Variants in ZBTB41 observed in about 807,000 individuals in gnomAD.
ZBTB41 encodes zinc finger and BTB domain-containing protein 41.
In ZBTB41, 42 loss-of-function variants were observed where a neutral mutation model predicts 87.6. That is an observed-to-expected ratio of 0.48 (90% CI 0.37 to 0.62). The LOEUF (loss-of-function observed/expected upper bound fraction) is 0.62. ZBTB41 is among the 20% of genes least tolerant of loss of function. ZBTB41 has a pLI of 0.00. For missense variants in ZBTB41, 799 were observed against 1,078.9 expected, an observed-to-expected ratio of 0.74 and a Z score of 3.63; for synonymous variants, 364 against 364.0, an observed-to-expected ratio of 1.00 and a Z score of 0.00.
chr1:197,162,120 T>G (rs1379640000), intron 10 of ZBTB41, among the ~76,000 whole-genome samples: 4 of 152,188 alleles, frequency 2.6e-5, no homozygotes, highest in Non-Finnish European at 4.4e-5. Flanking sequence ...ATTATCATTT[T>G]AAACAACTTT....
At position 197,158,458 on chromosome 1, in the gene ZBTB41, T is replaced by G. The variant is rs1174874427; in HGVS notation, c.*901A>C. 6.6e-6 allele frequency: 1 copy of G among 152,446 alleles called. No homozygotes were observed. Among genetic ancestry groups the G allele is most frequent in the Non-Finnish European group, 1.5e-5 (1 of 67,906 alleles). 9.4% of individuals were successfully genotyped at this position (152,446 alleles called of 1,614,324 possible). A position where few individuals can be genotyped will look rare whatever the true frequency, so the allele number is the denominator to read the frequency against. On this transcript the variant is annotated 3_prime_UTR_variant, in exon 11 of 11. Coordinates refer to ENST00000367405, the MANE Select transcript of ZBTB41 (RefSeq NM_194314.3). ...CAAGTAAATGAAATCAAAAGTAGCA[T>G]GTTTAATTAAATTTCATTGAGTTAC...
intron 10 of ZBTB41, among the ~76,000 whole-genome samples, chr1:197,167,665 C>T (rs1659382162): frequency 6.6e-6 from 1 of 152,030 alleles, no homozygotes; most frequent in South Asian, 2.1e-4. Flanking sequence ...AATATGATCA[C>T]CTCAATCAAT....
At chr1:197,175,143 T>C (rs779209776) in intron 8 of ZBTB41, 28 bp from the exon 9 acceptor site, 1 of 1,576,366 alleles carries the variant, frequency 6.3e-7, no homozygotes, top group South Asian at 1.1e-5. Context: ...AATATTTTCA[T>C]TATAATATAC....
chr1:197,199,765 T>C lies in ZBTB41; in HGVS notation c.709A>G (p.Lys237Glu), dbSNP rs1356897147. The change falls in exon 2 of 11, where the codon AAA becomes GAA. Residue 237 changes from lysine (K) to glutamate (E), a missense_variant. Coordinates refer to ENST00000367405, the MANE Select transcript of ZBTB41 (RefSeq NM_194314.3). ...TCCAGCATTTTTAACCCATGTTTTT[T>C]CCCTAATAAAAGGGACCTATGGGTT... ...AKTHRSLLLG[K>E]KHGLKMLERS... The C allele has an allele frequency of 1.2e-6, 2 of 1,613,302 alleles. No homozygotes were observed. The highest frequency in any genetic ancestry group is 2.2e-5 in the East Asian group (1 of 44,874).
Position 197,159,112 on chromosome 1 carries a change from C to A in ZBTB41, c.*247G>T. ...AATAATTGCAAAAAATTTAAGAAAC[C>A]ATTAAAAGTTAGCACTAAATAATCT... On this transcript the variant is annotated 3_prime_UTR_variant, in exon 11 of 11. Transcript: ENST00000367405. 2.8e-5 allele frequency: 11 copies of A among 389,418 alleles called. No homozygotes were observed. The highest frequency in any genetic ancestry group is 4.7e-5 in the South Asian group (1 of 21,190). 24.1% of individuals were successfully genotyped at this position (389,418 alleles called of 1,614,324 possible). A position where few individuals can be genotyped will look rare whatever the true frequency, so the allele number is the denominator to read the frequency against.
At chr1:197,184,144 C>T (rs1176405104) in intron 5 of ZBTB41, among the ~76,000 whole-genome samples, 2 of 152,156 alleles carry the variant, frequency 1.3e-5, no homozygotes, top group Non-Finnish European at 2.9e-5. Flanking sequence ...TGGAACTAAA[C>T]TCTAAAGAAA....
rs367677564 is a variant in ZBTB41, at chr1:197,199,464, G to C, written c.1010C>G (p.Ala337Gly). The C allele has an allele frequency of 5.6e-6, 9 of 1,612,902 alleles. No homozygotes were observed. Among genetic ancestry groups the C allele is most frequent in the Admixed American group, 1.7e-5 (1 of 59,810 alleles). Reference protein sequence around the residue: ...DHNDAEEEPEAGDSVGNVHEG... With the variant: ...DHNDAEEEPEGGDSVGNVHEG... ...ATGAACATTTCCTACAGAATCACCA[G>C]CCTCAGGTTCTTCTTCTGCATCATT... is the stretch of plus-strand genomic sequence containing the variant. Residue 337 changes from alanine to glycine, a missense_variant, in exon 2 of 11, where the codon GCT becomes GGT. Ala to Gly is a moderately conservative substitution (Grantham distance 60). Around this residue, in one of 5 missense-constraint regions of ZBTB41, gnomAD observed 294 missense variants for 340.1 expected, o/e 0.86. Transcript: ENST00000367405.
chr1:197,198,488 A>AT (rs763180287), intron 2 of ZBTB41, among the ~76,000 whole-genome samples: 165 of 151,730 alleles, frequency 1.1e-3, no homozygotes, highest in Admixed American at 3.7e-3. Flanking sequence ...GATTGCAGTA[A>AT]TTTTTTTTTA....
chr1:197,170,382 C>T lies in ZBTB41; in HGVS notation c.2074+1778G>A, dbSNP rs1260386798. On this transcript the variant is annotated intron_variant, in intron 10 of 10. Transcript: ENST00000367405. The stretch of plus-strand genomic sequence containing the variant: ...CCCATAAAATTACTATCTAATTTTA[C>T]TCTATCTCTACATTTGGCAATTTTC... Among the ~76,000 whole-genome samples the T allele has an allele frequency of 2.6e-5, 4 of 151,990 alleles. No individual in the cohort carries two copies. In the East Asian group the frequency reaches 7.7e-4, roughly 29 times the overall value.
chr1:197,198,702 CT>C (rs1660226731), intron 2 of ZBTB41, among the ~76,000 whole-genome samples: 1 of 152,054 alleles, frequency 6.6e-6, no homozygotes, highest in South Asian at 2.1e-4. Flanking sequence ...TCCTCAAATT[CT>C]TTTCTAAAAG....
chr1:197,179,856 CT>C (rs1571657942), intron 6 of ZBTB41, among the ~76,000 whole-genome samples: 1 of 151,986 alleles, frequency 6.6e-6, no homozygotes, highest in East Asian at 1.9e-4. Context: ...CTAAGTGTTA[CT>C]TTAAATGAGT....
intron 10 of ZBTB41, among the ~76,000 whole-genome samples, chr1:197,165,466 C>T (rs1034463798): frequency 3.3e-5 from 5 of 151,768 alleles, no homozygotes; most frequent in African/African-American, 7.3e-5. Context: ...AAAAATTAGC[C>T]GGGCATGGTG....
chr1:197,189,610 C>A (rs1208736923), intron 4 of ZBTB41, among the ~76,000 whole-genome samples: 2 of 152,070 alleles, frequency 1.3e-5, no homozygotes, highest in African/African-American at 4.8e-5. Context: ...CGATGGTACT[C>A]CTCCTGTTAA....
intron 2 of ZBTB41, among the ~76,000 whole-genome samples, chr1:197,196,772 T>G (rs563417992): frequency 9.2e-5 from 14 of 152,168 alleles, no homozygotes; most frequent in Non-Finnish European, 1.9e-4. Context: ...CTGACCACCT[T>G]GAAACCACTC....
chr1:197,166,711 G>C (rs1659353239), intron 10 of ZBTB41, among the ~76,000 whole-genome samples: 1 of 151,922 alleles, frequency 6.6e-6, no homozygotes, highest in African/African-American at 2.4e-5. Context: ...GCCGGGTGTG[G>C]AGGCTGGTGC....
At position 197,165,046 on chromosome 1, in the gene ZBTB41, C is replaced by T. The variant is rs1255422214; in HGVS notation, c.2075-5032G>A. Among the ~76,000 whole-genome samples, 3 of 146,644 alleles carry T rather than the reference C, an allele frequency of 2.0e-5. No individual in the cohort carries two copies. In the East Asian group the frequency reaches 6.0e-4, roughly 29 times the overall value. ...TCAAAAGAAATAAACAATTTACAAT[C>T]ATGGTTACAGTAGAGATTTTCACAT... On this transcript the variant is annotated intron_variant, in intron 10 of 10. Transcript: ENST00000367405.
intron 10 of ZBTB41, among the ~76,000 whole-genome samples, chr1:197,168,758 C>T (rs756514275): frequency 5.9e-5 from 9 of 151,986 alleles, no homozygotes; most frequent in Non-Finnish European, 8.8e-5. Flanking sequence ...TGGTACATGA[C>T]GTCTTTAAAC....
intron 10 of ZBTB41, among the ~76,000 whole-genome samples, chr1:197,164,795 A>ATC (rs1659280972): frequency 9.1e-6 from 1 of 110,150 alleles, no homozygotes; most frequent in Non-Finnish European, 1.8e-5. Context: ...TATAATACAT[A>ATC]TATAATATAT....
rs775414366 is a variant in ZBTB41 at position 197,176,515 on chromosome 1, C to T, written c.1879+49G>A. On this transcript the variant is annotated intron_variant, in intron 8 of 10. Transcript: ENST00000367405. ...ACATAACATCATATTATGTTCCTTTCAGGTATTTAAAAAGGATTTTCGAAC... is the reference window on the plus strand; with the variant it reads ...ACATAACATCATATTATGTTCCTTTTAGGTATTTAAAAAGGATTTTCGAAC... 6 of 1,264,736 alleles carry T rather than the reference C, an allele frequency of 4.7e-6. No individual in the cohort carries two copies. The African/African-American group carries it at 8.9e-5, about 19-fold the overall frequency. The allele number at this position is 1,264,736 out of a possible 1,614,324, so 78.3% of individuals were successfully genotyped here.
Sources: gnomAD v4.1 joint callset for allele counts (sites outside exome capture counted in the v4.1 genomes callset) on GRCh38, gnomAD v4.1.1 for gene constraint, gnomAD v4.1.1 regional missense constraint, MANE v1.5 for transcripts, NCBI Gene and HGNC (gene_info 2026-07-23, HGNC 2026-07-21) for gene names.